Variants in PCDH9 observed in about 807,000 individuals in gnomAD.
The protein encoded by PCDH9 is protocadherin-9.
A neutral mutation model predicts 70.6 loss-of-function variants in PCDH9; 24 were observed. The observed-to-expected ratio is 0.34, with a 90% CI of 0.25 to 0.48. The LOEUF is 0.48. Among genes scored for constraint, PCDH9 ranks in the 20% least tolerant of loss-of-function variants. The probability of loss-of-function intolerance (pLI) is 0.99; values close to 1 mark genes in which losing one functional copy is unlikely to be tolerated. For missense variants in PCDH9, 1,281 were observed against 1,503.6 expected, an observed-to-expected ratio of 0.85 and a Z score of 2.45; for synonymous variants, 562 against 558.5, an observed-to-expected ratio of 1.01 and a Z score of -0.09.
At chr13:66,521,802 C>A (rs1593615511) in intron 4 of PCDH9, among the ~76,000 whole-genome samples, 1 of 152,074 alleles carries the variant, frequency 6.6e-6, no homozygotes, top group Non-Finnish European at 1.5e-5. Flanking sequence ...TTTAGGGATT[C>A]TTAATCTGGG....
rs548076383 is a variant in PCDH9, at chr13:66,786,092, T to G, written c.3138+117412A>C. ...AATATCCATACTCATACTGTTCTGA[T>G]AGCCTAATCAATGTTCCCCTGGTTA... is the stretch of plus-strand genomic sequence containing the variant. On this transcript the variant is annotated intron_variant, in intron 3 of 4. Coordinates refer to ENST00000377865, the MANE Select transcript of PCDH9 (RefSeq NM_203487.3). Among the ~76,000 whole-genome samples, 17 of 152,298 alleles carry G rather than the reference T, an allele frequency of 1.1e-4. No homozygotes were observed. The South Asian group carries it at 3.3e-3, about 30-fold the overall frequency.
At chr13:66,537,044 C>A (rs1034936572) in intron 4 of PCDH9, among the ~76,000 whole-genome samples, 5 of 152,110 alleles carry the variant, frequency 3.3e-5, no homozygotes, top group African/African-American at 1.2e-4. Flanking sequence ...TATCTCTCAA[C>A]ACTGCTGTTT....
intron 4 of PCDH9, among the ~76,000 whole-genome samples, chr13:66,604,826 TC>T (rs1377459272): frequency 9.2e-5 from 14 of 152,200 alleles, no homozygotes; most frequent in African/African-American, 2.4e-4. Context: ...GTATAACTTT[TC>T]CCAACGAGAT....
chr13:66,431,106 G>A (rs1957763237), intron 4 of PCDH9, among the ~76,000 whole-genome samples: 1 of 151,872 alleles, frequency 6.6e-6, no homozygotes, highest in Non-Finnish European at 1.5e-5. Context: ...TAGGTCCTAG[G>A]GAATGAAAGA....
intron 4 of PCDH9, among the ~76,000 whole-genome samples, chr13:66,565,320 T>A (rs1193544406): frequency 1.3e-5 from 2 of 152,198 alleles, no homozygotes; most frequent in Non-Finnish European, 2.9e-5. Flanking sequence ...TGCAGAAGAA[T>A]AATTATCTAG....
At chr13:66,401,888 C>T (rs939556564) in intron 4 of PCDH9, among the ~76,000 whole-genome samples, 1 of 152,106 alleles carries the variant, frequency 6.6e-6, no homozygotes, top group Non-Finnish European at 1.5e-5. Flanking sequence ...TCTGCCAGAA[C>T]TAGCATATTT....
Position 67,225,511 on chromosome 13 carries a change from C to A in PCDH9, c.2930G>T (p.Cys977Phe), listed in dbSNP as rs765568223. The change falls in exon 2 of 5, where the codon TGT (cysteine) becomes TTT (phenylalanine). Residue 977 changes from cysteine to phenylalanine, a missense_variant. This residue lies in a region of PCDH9 where 207 missense variants were observed against 191.8 expected (regional missense o/e 1.08). Transcript: ENST00000377865. ...LPLDNTFVGG[C>F]DTLSKRSSTS... is the part of the protein sequence containing the mutation. Reference sequence around the variant, plus strand: ...GGAAGAGCGTTTAGAAAGGGTGTCACAACCCCCAACAAAGGTGTTGTCCAA... The same window carrying A: ...GGAAGAGCGTTTAGAAAGGGTGTCAAAACCCCCAACAAAGGTGTTGTCCAA... 6.2e-7 allele frequency: 1 copy of A among 1,613,964 alleles called. No individual in the cohort carries two copies. The highest frequency in any genetic ancestry group is 8.5e-7 in the Non-Finnish European group (1 of 1,179,942).
intron 2 of PCDH9, among the ~76,000 whole-genome samples, chr13:66,958,331 G>C (rs893701845): frequency 1.3e-5 from 2 of 152,104 alleles, no homozygotes; most frequent in African/African-American, 4.8e-5. Flanking sequence ...TTTGTAGACT[G>C]GAAATAATAA....
intron 4 of PCDH9, among the ~76,000 whole-genome samples, chr13:66,476,355 T>C (rs1958728574): frequency 6.6e-6 from 1 of 152,186 alleles, no homozygotes; most frequent in South Asian, 2.1e-4. Context: ...ATACACAAAT[T>C]GTTAGACTTT....
At chr13:67,107,636 A>G (rs978926667) in intron 2 of PCDH9, among the ~76,000 whole-genome samples, 7 of 152,152 alleles carry the variant, frequency 4.6e-5, no homozygotes, top group Admixed American at 1.3e-4. Flanking sequence ...CTGTTGCTCA[A>G]TGAAGCTCCT....
In PCDH9 at chr13:66,730,884, TTTG is replaced by T. The variant is rs1318685352; in HGVS notation, c.3139-99476_3139-99474del. On this transcript the variant is annotated intron_variant, in intron 3 of 4. Coordinates refer to ENST00000377865, the MANE Select transcript of PCDH9 (RefSeq NM_203487.3). ...TTTTTTTGTGTGTGTGTGTTTTTTT[TTTG>T]TTTGTTTCTTTTTTTTTGTGGAGAC... Among the ~76,000 whole-genome samples, 30 of 13,850 alleles carry T rather than the reference TTTG, an allele frequency of 2.2e-3. 2 individuals are homozygous for T. Among genetic ancestry groups the T allele is most frequent in the East Asian group, 0.015 (2 of 132 alleles). The allele number at this position is 13,850 out of a possible 152,430, so 9.1% of individuals were successfully genotyped here.
Position 66,368,957 on chromosome 13 carries a change from C to T in PCDH9, c.3341-63929G>A, listed in dbSNP as rs143125591. 8.4e-3 allele frequency among the ~76,000 whole-genome samples: 1,282 copies of T among 152,178 alleles called. 17 individuals carry two copies. Among genetic ancestry groups the T allele is most frequent in the African/African-American group, 0.028 (1,176 of 41,524 alleles). ...CCCCAGGATTCAACTACCCCCACAC[C>T]GGGTTCCTCCTACAACACATGGGAA... On this transcript the variant is annotated intron_variant, in intron 4 of 4. Coordinates refer to ENST00000377865, the MANE Select transcript of PCDH9 (RefSeq NM_203487.3).
At chr13:66,659,736 C>T (rs2077982668) in intron 3 of PCDH9, among the ~76,000 whole-genome samples, 1 of 151,816 alleles carries the variant, frequency 6.6e-6, no homozygotes. Flanking sequence ...TCTTAATTCT[C>T]TATATCTTCT....
chr13:66,457,214 C>T (rs576494816), intron 4 of PCDH9, among the ~76,000 whole-genome samples: 1 of 152,174 alleles, frequency 6.6e-6, no homozygotes, highest in African/African-American at 2.4e-5. Flanking sequence ...ATGGCATACT[C>T]ATTATGGCAT....
intron 4 of PCDH9, among the ~76,000 whole-genome samples, chr13:66,398,437 A>G (rs1223674199): frequency 6.6e-6 from 1 of 152,126 alleles, no homozygotes; most frequent in Non-Finnish European, 1.5e-5. Flanking sequence ...AGAGACATTT[A>G]AATTAATTGA....
chr13:66,675,335 G>T (rs951537387), intron 3 of PCDH9, among the ~76,000 whole-genome samples: 1 of 151,874 alleles, frequency 6.6e-6, no homozygotes, highest in African/African-American at 2.4e-5. Flanking sequence ...TCACTGTCAC[G>T]CAATTTAAAA....
At chr13:66,824,461 G>C (rs1383332028) in intron 3 of PCDH9, among the ~76,000 whole-genome samples, 1 of 148,890 alleles carries the variant, frequency 6.7e-6, no homozygotes, top group Non-Finnish European at 1.5e-5. Flanking sequence ...TTTGAGACCA[G>C]CCTGGCCAAT....
intron 4 of PCDH9, among the ~76,000 whole-genome samples, chr13:66,584,747 A>G (rs571704607): frequency 1.2e-4 from 19 of 152,154 alleles, no homozygotes; most frequent in Non-Finnish European, 2.6e-4. Context: ...AAGGAATGGT[A>G]GTTGATAGAG....
At chr13:66,421,169 A>G (rs1957560134) in intron 4 of PCDH9, among the ~76,000 whole-genome samples, 1 of 152,088 alleles carries the variant, frequency 6.6e-6, no homozygotes, top group Non-Finnish European at 1.5e-5. Flanking sequence ...TCCAAGAAAT[A>G]TGGTACTATG....
Sources: allele counts gnomAD v4.1 joint callset (sites outside exome capture counted in the v4.1 genomes callset), GRCh38; gene constraint gnomAD v4.1.1; regional missense constraint gnomAD v4.1.1; transcripts MANE v1.5; gene names NCBI Gene and HGNC (gene_info 2026-07-23, HGNC 2026-07-21).